MYO19: variants seen among roughly 807,000 people sequenced by gnomAD.
MYO19 encodes myosin XIX, also known as unconventional myosin-XIX.
A neutral mutation model predicts 129.2 loss-of-function variants in MYO19; 132 were observed. The observed-to-expected ratio is 1.02, with a 90% CI of 0.89 to 1.18. The LOEUF is 1.18. Among genes scored for constraint, MYO19 ranks in the 50% most tolerant of loss-of-function variants. The pLI is 0.00. For synonymous variants in MYO19, 531 were observed against 477.2 expected (o/e 1.11, Z -1.47); for missense variants, 1,210 against 1,216.7 (o/e 0.99, Z 0.08).
chr17:36,509,424 G>A (rs574069943), intron 13 of MYO19: 12 of 500,314 alleles, frequency 2.4e-5, no homozygotes, highest in Non-Finnish European at 3.6e-5. Flanking sequence ...GGAATCAGTC[G>A]AGCTCAGTCA....
chr17:36,543,027 T>C (rs955449654), intron 1 of MYO19: 9 of 152,062 alleles, frequency 5.9e-5, no homozygotes, highest in African/African-American at 2.2e-4. Flanking sequence ...GGTTTTTGTT[T>C]TGTTTTTTAC....
chr17:36,538,151 C>T, upstream of MYO19: 3 of 1,613,704 alleles, frequency 1.9e-6, no homozygotes, highest in Non-Finnish European at 2.5e-6. Flanking sequence ...CTATTAGCCT[C>T]TTCATATCTC....
chr17:36,508,259 A>G (rs939113430), intron 14 of MYO19: 1 of 210,810 alleles, frequency 4.7e-6, no homozygotes, highest in Admixed American at 5.4e-5. Context: ...GGTCCCAGGG[A>G]ACATTTTCTG....
intron 6 of MYO19, 43 bp downstream of exon 6, chr17:36,525,185 C>G (rs373217522): frequency 2.0e-6 from 3 of 1,468,782 alleles, no homozygotes; most frequent in Admixed American, 3.4e-5. Flanking sequence ...CCTGTCCACC[C>G]AGCCAGTCGT....
At chr17:36,527,467 G>A (rs1017790822) in intron 5 of MYO19, 84 bp downstream of exon 5, 7 of 1,443,408 alleles carry the variant, frequency 4.8e-6, no homozygotes. Flanking sequence ...CTGGTGAATA[G>A]ATGAATAAGG....
chr17:36,500,807 T>C, intron 23 of MYO19, 23 bp downstream of exon 23: 1 of 1,593,566 alleles, frequency 6.3e-7, no homozygotes, highest in Non-Finnish European at 8.5e-7. Flanking sequence ...TGAGCAGTGC[T>C]GACAGGTGAC....
In MYO19 at chr17:36,503,174, C is replaced by G; in HGVS notation, c.2003G>C (p.Arg668Pro). Reference protein sequence around the residue: ...IRVSHRNFVERYKLLRRLHPC... With the variant: ...IRVSHRNFVEPYKLLRRLHPC... Reference sequence around the variant, plus strand: ...ATGAAGCCTTCTTAGTAACTTGTATCGTTCTACAAAGTTTCGGTGAGAGAC... The same window carrying G: ...ATGAAGCCTTCTTAGTAACTTGTATGGTTCTACAAAGTTTCGGTGAGAGAC... The change falls in exon 21 of 26, where the codon CGA becomes CCA. Residue 668 changes from arginine (R) to proline (P), a missense_variant. Arg to Pro is a moderately radical substitution (Grantham distance 103). Transcript: ENST00000614623. The G allele has an allele frequency of 6.2e-7, 1 of 1,613,994 alleles. No individual in the cohort carries two copies. The highest frequency in any genetic ancestry group is 8.5e-7 in the Non-Finnish European group (1 of 1,179,888).
At chr17:36,498,625 C>A in intron 24 of MYO19, 66 bp from the exon 25 acceptor site, 1 of 1,472,886 alleles carries the variant, frequency 6.8e-7, no homozygotes, top group South Asian at 1.3e-5. Flanking sequence ...AAATGGAAAT[C>A]AAAACTATCT....
At chr17:36,533,228 G>C (rs554575014) in intron 2 of MYO19, 1 of 152,656 alleles carries the variant, frequency 6.6e-6, no homozygotes, top group South Asian at 2.1e-4. Flanking sequence ...GTCATGGTTT[G>C]ACAGCACCAC....
Position 36,512,839 on chromosome 17 carries a change from GC to G in MYO19, c.894+589del, listed in dbSNP as rs1012147594. The G allele has an allele frequency of 2.4e-6, 3 of 1,246,700 alleles. No individual in the cohort carries two copies. In the Admixed American group the frequency reaches 7.6e-5, roughly 31 times the overall value. 77.2% of individuals were successfully genotyped at this position (1,246,700 alleles called of 1,614,324 possible). A position where few individuals can be genotyped will look rare whatever the true frequency, so the allele number is the denominator to read the frequency against. ...CTCTGTCAGCAAAGACAGAAGGGAG[GC>G]CCCCCTAGTGTGACTGAGAGGAGCC... On this transcript the variant is annotated intron_variant, in intron 11 of 25. Coordinates refer to ENST00000614623, the MANE Select transcript of MYO19 (RefSeq NM_001163735.2).
chr17:36,537,367 T>C, upstream of MYO19: 7 of 1,613,968 alleles, frequency 4.3e-6, no homozygotes, highest in Non-Finnish European at 4.2e-6. Flanking sequence ...GTAATTATCT[T>C]TGGGGCAGGG....
At chr17:36,513,314 G>A in intron 11 of MYO19, 115 bp downstream of exon 11, 1 of 1,586,712 alleles carries the variant, frequency 6.3e-7, no homozygotes, top group Admixed American at 1.8e-5. Context: ...AGCACAGAAG[G>A]GCCCAAAGTC....
intron 6 of MYO19, among the ~76,000 whole-genome samples, chr17:36,518,603 AAAGT>A (rs2072951405): frequency 7.1e-6 from 1 of 141,170 alleles, no homozygotes; most frequent in Non-Finnish European, 1.5e-5. Context: ...TATATATATA[AAAGT>A]ATGTATATAT....
chr17:36,512,546 G>T, intron 11 of MYO19: 2 of 1,132,264 alleles, frequency 1.8e-6, no homozygotes, highest in South Asian at 1.6e-5. Flanking sequence ...CCAGGCAGAA[G>T]GGCTGTGGCA....
rs1455048139 is a variant in MYO19, at chr17:36,498,380, C to T, written c.2643G>A (p.Gln881=). The T allele has an allele frequency of 1.9e-6, 3 of 1,613,922 alleles. No individual in the cohort carries two copies. Among genetic ancestry groups the T allele is most frequent in the Non-Finnish European group, 2.5e-6 (3 of 1,179,902 alleles). ...ANTAMGVGSF[Q]RKLVVWACLQ... ...GGCAAGCCCAGACCACTAATTTCCT[C>T]TGAAAGCTGCCTACACCCATAGCCG... The change falls in exon 25 of 26, where the codon CAG becomes CAA. Residue 881 remains glutamine (Q), a synonymous_variant. Coordinates refer to ENST00000614623, the MANE Select transcript of MYO19 (RefSeq NM_001163735.2).
chr17:36,527,492 A>G (rs1322283047), intron 5 of MYO19, 59 bp downstream of exon 5: 2 of 1,566,932 alleles, frequency 1.3e-6, no homozygotes, highest in African/African-American at 1.4e-5. Flanking sequence ...GGGTAACTGC[A>G]AAGAGGTTTA....
At chr17:36,511,655 A>G (rs1340560890) in intron 11 of MYO19, among the ~76,000 whole-genome samples, 200 bp from the exon 12 acceptor site, 1 of 152,206 alleles carries the variant, frequency 6.6e-6, no homozygotes, top group Non-Finnish European at 1.5e-5. Flanking sequence ...CCTGTAAGGT[A>G]TGTGCTACGC....
intron 2 of MYO19, among the ~76,000 whole-genome samples, chr17:36,541,363 T>C (rs1775649967): frequency 6.6e-6 from 1 of 152,248 alleles, no homozygotes; most frequent in Non-Finnish European, 1.5e-5. Context: ...CCAATGTATT[T>C]ATATAAATCA....
Position 36,506,527 on chromosome 17 carries a change from T to C in MYO19, c.1726A>G (p.Lys576Glu). The C allele has an allele frequency of 6.2e-7, 1 of 1,603,236 alleles. No homozygotes were observed. The highest frequency in any genetic ancestry group is 1.1e-5 in the South Asian group (1 of 89,574). ...GGGGGTTCCTCCTGGGTCTTCTCTT[T>C]GGGGTTAGTAGGAAACAGCCCCATG... ...LLMGLFPTNP[K>E]EKTQEEPPGQ... The change falls in exon 18 of 26, where the codon AAA becomes GAA. Residue 576 changes from lysine to glutamate, a missense_variant. Physicochemically the swap from Lys to Glu is moderately conservative, Grantham distance 56 (BLOSUM62 1). Coordinates refer to ENST00000614623, the MANE Select transcript of MYO19 (RefSeq NM_001163735.2).
Sources: allele counts gnomAD v4.1 joint callset (sites outside exome capture counted in the v4.1 genomes callset), GRCh38; gene constraint gnomAD v4.1.1; transcripts MANE v1.5; gene names NCBI Gene and HGNC (gene_info 2026-07-23, HGNC 2026-07-21).